Variants in CCDC150 observed in about 807,000 individuals in gnomAD.
CCDC150 encodes the protein coiled-coil domain containing 150, also known as coiled-coil domain-containing protein 150.
Under a neutral mutation model 156.5 loss-of-function variants are expected in CCDC150, and 151 were observed. The observed-to-expected ratio is 0.97, with a 90% CI of 0.85 to 1.10. The LOEUF (loss-of-function observed/expected upper bound fraction) is 1.10. Among genes scored for constraint, CCDC150 ranks in the 50% least tolerant of loss-of-function variants. The pLI, the probability that CCDC150 is intolerant of heterozygous loss-of-function variation, is 0.00. For synonymous variants in CCDC150, 452 were observed against 429.4 expected, an observed-to-expected ratio of 1.05 and a Z score of -0.65; for missense variants, 1,312 against 1,268.1, an observed-to-expected ratio of 1.03 and a Z score of -0.53.
chr2:196,664,334 C>T (rs895173627), intron 5 of CCDC150, among the ~76,000 whole-genome samples: 7 of 152,146 alleles, frequency 4.6e-5, no homozygotes, highest in Admixed American at 1.3e-4. Context: ...TGCAAAAAAT[C>T]GATGTTCCCA....
intron 19 of CCDC150, chr2:196,720,180 G>T (rs1697796240): frequency 2.6e-6 from 1 of 386,640 alleles, no homozygotes; most frequent in Non-Finnish European, 5.2e-6. Context: ...TTAGGTTAAA[G>T]AATAAATGGT....
chr2:196,672,404 A>AT lies in CCDC150; in HGVS notation c.996_997insT (p.Met333TyrfsTer5), dbSNP rs1694259588. ...AAAATGCATATTTGAGGTCCGAAAT[A>AT]ATGTCTCTTCATGAAGCATCAGAAA... On this transcript the variant is annotated frameshift_variant, in exon 9 of 28. Coordinates refer to ENST00000389175, the MANE Select transcript of CCDC150 (RefSeq NM_001080539.2). LOFTEE classifies it high-confidence loss of function. 1.3e-6 allele frequency: 2 copies of AT among 1,545,636 alleles called. No individual in the cohort carries two copies. The highest frequency in any genetic ancestry group is 1.7e-6 in the Non-Finnish European group (2 of 1,148,002).
chr2:196,723,683 A>C (rs1356159397), intron 21 of CCDC150, among the ~76,000 whole-genome samples: 1 of 152,156 alleles, frequency 6.6e-6, no homozygotes. Context: ...AGTTGGTAGA[A>C]TGTAGTATCA....
rs538402035 is a variant in CCDC150, at chr2:196,724,882, A to G, written c.2430-1091A>G. Among the ~76,000 whole-genome samples, 18 of 152,322 alleles carry G rather than the reference A, an allele frequency of 1.2e-4. No individual in the cohort carries two copies. The South Asian group carries it at 2.3e-3, about 19-fold the overall frequency. ...TAAGAAATAACCATAATTATATCCAATGACTTCAGGATCTCCATCCCTTTA... is the reference window on the plus strand; with the variant it reads ...TAAGAAATAACCATAATTATATCCAGTGACTTCAGGATCTCCATCCCTTTA... On this transcript the variant is annotated intron_variant, in intron 21 of 27. Transcript: ENST00000389175.
At chr2:196,718,041 T>G (rs1013193954) in intron 17 of CCDC150, among the ~76,000 whole-genome samples, 1 of 152,192 alleles carries the variant, frequency 6.6e-6, no homozygotes, top group Non-Finnish European at 1.5e-5. Context: ...CTACCAAAAC[T>G]GTTTCAAGGA....
At chr2:196,729,461 A>G (rs1698408567) in intron 23 of CCDC150, 74 bp downstream of exon 23, 2 of 1,470,280 alleles carry the variant, frequency 1.4e-6, no homozygotes, top group East Asian at 2.3e-5. Context: ...TCTAGGGAAG[A>G]CAGGTTTTAG....
At chr2:196,669,142 C>G (rs1247071514) in intron 7 of CCDC150, among the ~76,000 whole-genome samples, 1 of 152,014 alleles carries the variant, frequency 6.6e-6, no homozygotes, top group African/African-American at 2.4e-5. Flanking sequence ...ATCTTTTTTT[C>G]TGTACAAAAT....
chr2:196,710,456 C>T (rs181067452), intron 15 of CCDC150, among the ~76,000 whole-genome samples: 1 of 152,346 alleles, frequency 6.6e-6, no homozygotes, highest in East Asian at 1.9e-4. Flanking sequence ...CCTTGCGCTT[C>T]CCGGGTGAGG....
chr2:196,657,341 T>C (rs1288933346), intron 4 of CCDC150: 1 of 523,904 alleles, frequency 1.9e-6, no homozygotes, highest in Non-Finnish European at 3.4e-6. Flanking sequence ...TGTGATTGAT[T>C]ATTTGTACAA....
intron 21 of CCDC150, among the ~76,000 whole-genome samples, chr2:196,723,865 A>G (rs2125711357): frequency 6.6e-6 from 1 of 152,348 alleles, no homozygotes; most frequent in South Asian, 2.1e-4. Flanking sequence ...AAAGAGGACA[A>G]TGGTGAAGAT....
Position 196,721,525 on chromosome 2 carries a change from G to T in CCDC150, c.2263G>T (p.Glu755Ter). The T allele has an allele frequency of 6.3e-7, 1 of 1,596,562 alleles. No homozygotes were observed. Among genetic ancestry groups the T allele is most frequent in the South Asian group, 1.2e-5 (1 of 86,496 alleles). The change falls in exon 21 of 28, where the codon GAA (glutamate) becomes TAA (stop). Residue 755 changes from glutamate to a stop codon, truncating the protein, a stop_gained. Transcript: ENST00000389175. LOFTEE classifies it high-confidence loss of function. ...AAAACATGCTTCTCTCTTTCAGATT[G>T]AATCTCTACAAAAAGCTCTAGGTGT... ...VMEDQHNSEIESLQKALGVAR... is the reference protein window; with the variant it reads ...VMEDQHNSEI
chr2:196,712,338 C>A, intron 16 of CCDC150, 86 bp downstream of exon 16: 2 of 700,744 alleles, frequency 2.9e-6, no homozygotes, highest in Non-Finnish European at 4.6e-6. Flanking sequence ...CTTTACCACA[C>A]AATCCCAGAA....
chr2:196,732,004 T>G, intron 26 of CCDC150, 29 bp from the exon 27 acceptor site: 1 of 1,597,180 alleles, frequency 6.3e-7, no homozygotes, highest in African/African-American at 1.3e-5. Context: ...TTTCTTTGTG[T>G]CTTTTAATGG....
chr2:196,691,740 AG>A (rs1167177069), intron 13 of CCDC150, among the ~76,000 whole-genome samples: 1 of 152,060 alleles, frequency 6.6e-6, no homozygotes, highest in East Asian at 1.9e-4. Context: ...CAGGAGTTTG[AG>A]ATCAGCCTGG....
chr2:196,641,445 T>A (rs1403041634), intron 1 of CCDC150, among the ~76,000 whole-genome samples: 1 of 152,220 alleles, frequency 6.6e-6, no homozygotes, highest in East Asian at 1.9e-4. Flanking sequence ...TGCCCTCTGA[T>A]ATCTATATAA....
At chr2:196,730,205 A>G in intron 25 of CCDC150, 87 bp downstream of exon 25, 1 of 1,130,524 alleles carries the variant, frequency 8.8e-7, no homozygotes, top group Non-Finnish European at 1.2e-6. Context: ...GACTTTCTAG[A>G]GTCTACAGAA....
At chr2:196,657,173 T>A in intron 4 of CCDC150, 37 bp downstream of exon 4, 1 of 1,587,376 alleles carries the variant, frequency 6.3e-7, no homozygotes. Flanking sequence ...AAACACACTG[T>A]TATGTGTTAG....
chr2:196,716,799 T>A (rs1697533311), intron 17 of CCDC150, among the ~76,000 whole-genome samples: 1 of 149,254 alleles, frequency 6.7e-6, no homozygotes, highest in Admixed American at 6.7e-5. Context: ...AAAAGAAAAA[T>A]CATATATTAC....
At chr2:196,703,927 A>G (rs1696412618) in intron 15 of CCDC150, among the ~76,000 whole-genome samples, 1 of 152,178 alleles carries the variant, frequency 6.6e-6, no homozygotes, top group African/African-American at 2.4e-5. Context: ...ACACTTTTTG[A>G]ACTATTGTGA....
Sources: allele counts gnomAD v4.1 joint callset (sites outside exome capture counted in the v4.1 genomes callset), GRCh38; gene constraint gnomAD v4.1.1; transcripts MANE v1.5; gene names NCBI Gene and HGNC (gene_info 2026-07-23, HGNC 2026-07-21).